SLC4A10: variants seen among roughly 807,000 people sequenced by gnomAD.
SLC4A10 encodes the protein sodium-driven chloride bicarbonate exchanger.
A neutral mutation model predicts 137.7 loss-of-function variants in SLC4A10; 42 were observed. The observed-to-expected ratio is 0.30, with a 90% confidence interval of 0.24 to 0.39. The LOEUF (loss-of-function observed/expected upper bound fraction) is 0.39, where lower values mean the gene tolerates loss of function less well. SLC4A10 is among the 10% of genes least tolerant of loss of function. SLC4A10 has a pLI of 1.00. For synonymous variants in SLC4A10, 474 were observed against 464.1 expected (o/e 1.02, Z -0.27); for missense variants, 925 against 1,355.0 (o/e 0.68, Z 4.98).
intron 1 of SLC4A10, among the ~76,000 whole-genome samples, chr2:161,725,339 T>C (rs1417814140): frequency 6.6e-6 from 1 of 152,230 alleles, no homozygotes; most frequent in Non-Finnish European, 1.5e-5. Context: ...AGTCTCAGAA[T>C]ACTCATCTGT....
At chr2:161,643,298 T>C (rs2035560510) in intron 1 of SLC4A10, among the ~76,000 whole-genome samples, 1 of 152,118 alleles carries the variant, frequency 6.6e-6, no homozygotes, top group Non-Finnish European at 1.5e-5. Flanking sequence ...TTACTTTTTA[T>C]TGCTGCAGTT....
chr2:161,651,029 A>G (rs1348128024), intron 1 of SLC4A10: 1 of 152,244 alleles, frequency 6.6e-6, no homozygotes, highest in Non-Finnish European at 1.5e-5. Context: ...GTGAAAACTT[A>G]TGGTTCTTTT....
At chr2:161,738,605 A>G (rs1358269990) in intron 1 of SLC4A10, among the ~76,000 whole-genome samples, 1 of 152,240 alleles carries the variant, frequency 6.6e-6, no homozygotes, top group Non-Finnish European at 1.5e-5. Flanking sequence ...CTATGTATGG[A>G]GAAATTTTTA....
chr2:161,950,418 G>A (rs1292245777), intron 18 of SLC4A10, among the ~76,000 whole-genome samples: 2 of 151,852 alleles, frequency 1.3e-5, no homozygotes, highest in East Asian at 1.9e-4. Flanking sequence ...CTAGCTTTGG[G>A]ATCTTGGGCA....
At chr2:161,753,835 T>A (rs981639289) in intron 1 of SLC4A10, among the ~76,000 whole-genome samples, 2 of 151,716 alleles carry the variant, frequency 1.3e-5, no homozygotes, top group East Asian at 3.9e-4. Context: ...AACAGCTCAC[T>A]TTACTGTTAA....
At chr2:161,980,544 G>T (rs1700076839) in intron 26 of SLC4A10, among the ~76,000 whole-genome samples, 1 of 152,096 alleles carries the variant, frequency 6.6e-6, no homozygotes, top group African/African-American at 2.4e-5. Flanking sequence ...AGCTACTCAG[G>T]AGGCTGAGGC....
chr2:161,652,839 T>G (rs1461558089), intron 1 of SLC4A10, among the ~76,000 whole-genome samples: 1 of 113,012 alleles, frequency 8.8e-6, no homozygotes, highest in Non-Finnish European at 1.9e-5. Flanking sequence ...TTCATACAAC[T>G]GCAGAATATA....
rs555739202 is a variant in SLC4A10, at chr2:161,904,335, G to A, written c.1617+157G>A. Among the ~76,000 whole-genome samples, 91 of 152,236 alleles carry A rather than the reference G, an allele frequency of 6.0e-4. No homozygotes were observed. The Middle Eastern group carries it at 0.01, about 17-fold the overall frequency. ...ATATGAATTTCCTGGATGGCTAGTG[G>A]AACTGGTAATCTGGGAGTGGAATGT... On this transcript the variant is annotated intron_variant, in intron 13 of 26. Transcript: ENST00000446997.
intron 2 of SLC4A10, 68 bp from the exon 3 acceptor site, chr2:161,804,381 T>C (rs2055695699): frequency 6.6e-7 from 1 of 1,513,960 alleles, no homozygotes; most frequent in Non-Finnish European, 9.0e-7. Context: ...TCCATTAACA[T>C]GTAAATCATC....
intron 10 of SLC4A10, among the ~76,000 whole-genome samples, chr2:161,892,374 CT>C (rs1330601043): frequency 4.6e-5 from 7 of 151,718 alleles, no homozygotes; most frequent in Non-Finnish European, 1.0e-4. Flanking sequence ...ATGTAGCCAT[CT>C]TTATAAGAAG....
chr2:161,711,716 G>A (rs1348093627), intron 1 of SLC4A10, among the ~76,000 whole-genome samples: 2 of 151,730 alleles, frequency 1.3e-5, no homozygotes, highest in Admixed American at 1.3e-4. Context: ...TGTAATGGCT[G>A]GCTGCAGTAA....
At chr2:161,634,269 G>T (rs942833042) in intron 1 of SLC4A10, among the ~76,000 whole-genome samples, 1 of 151,960 alleles carries the variant, frequency 6.6e-6, no homozygotes, top group Admixed American at 6.6e-5. Flanking sequence ...GTTATGCATT[G>T]TTTGTCAATA....
At chr2:161,969,212 G>A (rs1253539452) in intron 23 of SLC4A10, among the ~76,000 whole-genome samples, 2 of 152,084 alleles carry the variant, frequency 1.3e-5, no homozygotes, top group African/African-American at 4.8e-5. Flanking sequence ...TGGTCTTATG[G>A]CACTGAGAAA....
chr2:161,686,325 A>T (rs1574341276), intron 1 of SLC4A10, among the ~76,000 whole-genome samples: 1 of 152,326 alleles, frequency 6.6e-6, no homozygotes, highest in African/African-American at 2.4e-5. Flanking sequence ...AAATAGCTGC[A>T]ATGGTAATAA....
intron 10 of SLC4A10, among the ~76,000 whole-genome samples, chr2:161,883,385 TA>T (rs985082578): frequency 1.3e-5 from 2 of 152,216 alleles, no homozygotes; most frequent in African/African-American, 4.8e-5. Flanking sequence ...TTTTGGGGGT[TA>T]AATATTATAA....
intron 3 of SLC4A10, among the ~76,000 whole-genome samples, chr2:161,831,777 A>C (rs2058450521): frequency 6.6e-6 from 1 of 152,200 alleles, no homozygotes. Context: ...AGAGGTAGGA[A>C]GGTGGTGAAA....
chr2:161,837,094 C>T (rs746357645), intron 3 of SLC4A10, among the ~76,000 whole-genome samples: 6 of 151,958 alleles, frequency 3.9e-5, no homozygotes, highest in Non-Finnish European at 5.9e-5. Context: ...CACTTAATAT[C>T]GTACTGGAAT....
intron 1 of SLC4A10, among the ~76,000 whole-genome samples, chr2:161,664,756 G>A (rs2038857122): frequency 6.6e-6 from 1 of 150,520 alleles, no homozygotes; most frequent in Non-Finnish European, 1.5e-5. Flanking sequence ...TATAACATTA[G>A]AGAATTATAT....
rs567872557 is a variant in SLC4A10 at position 161,722,806 on chromosome 2, C to T, written c.49-48167C>T. On this transcript the variant is annotated intron_variant, in intron 1 of 26. Transcript: ENST00000446997. ...GTCCACTGAACCCACAAGACTGCGTCCTCTCCTCCCCACAGGGCCTCCATC... is the reference window on the plus strand; with the variant it reads ...GTCCACTGAACCCACAAGACTGCGTTCTCTCCTCCCCACAGGGCCTCCATC... Among the ~76,000 whole-genome samples, 3 of 152,334 alleles carry T rather than the reference C, an allele frequency of 2.0e-5. No homozygotes were observed. The South Asian group carries it at 6.2e-4, about 32-fold the overall frequency.
Sources: allele counts gnomAD v4.1 joint callset (sites outside exome capture counted in the v4.1 genomes callset), GRCh38; gene constraint gnomAD v4.1.1; transcripts MANE v1.5; gene names NCBI Gene and HGNC (gene_info 2026-07-23, HGNC 2026-07-21).